CIB3: variants seen among roughly 807,000 people sequenced by gnomAD.
CIB3 encodes calcium and integrin binding family member 3, also known as calcium and integrin-binding family member 3.
Under a neutral mutation model 23.4 loss-of-function variants are expected in CIB3, and 22 were observed. That is an observed-to-expected ratio of 0.94 (90% CI 0.67 to 1.34). The LOEUF is 1.34. Ranked by LOEUF, CIB3 falls within the 40% of genes most tolerant of loss-of-function variation. CIB3 has a pLI of 0.00. For synonymous variants in CIB3, 93 were observed against 95.8 expected (o/e 0.97, Z 0.17); for missense variants, 258 against 247.3 (o/e 1.04, Z -0.29).
chr19:16,164,645 A>T (rs1049215825), intron 5 of CIB3, 73 bp downstream of exon 5: 1 of 1,340,880 alleles, frequency 7.5e-7, no homozygotes, highest in Admixed American at 2.0e-5. Context: ...TCAGAAACAG[A>T]GTCTGTGAAC....
chr19:16,173,320 A>C, intron 1 of CIB3, 105 bp downstream of exon 1: 1 of 1,562,020 alleles, frequency 6.4e-7, no homozygotes, highest in Non-Finnish European at 8.8e-7. Flanking sequence ...AGAACCAGGA[A>C]CCCAGGCGGA....
chr19:16,173,405 C>A lies in CIB3; in HGVS notation c.51+20G>T. ...CCAAAGTTGTCAAACCCACTGAGGA[C>A]CCATCCTGCCCCCCTCTACCTGATA... On this transcript the variant is annotated intron_variant, in intron 1 of 5. Coordinates refer to ENST00000269878, the MANE Select transcript of CIB3 (RefSeq NM_054113.4). 1 of 1,610,782 alleles carries A rather than the reference C, an allele frequency of 6.2e-7. No individual in the cohort carries two copies. The highest frequency in any genetic ancestry group is 8.5e-7 in the Non-Finnish European group (1 of 1,176,968).
At chr19:16,170,905 G>A (rs979719987) in intron 2 of CIB3, among the ~76,000 whole-genome samples, 3 of 151,892 alleles carry the variant, frequency 2.0e-5, no homozygotes, top group Admixed American at 1.3e-4. Flanking sequence ...TTGAGAGGCC[G>A]AGGCAGGTGG....
intron 2 of CIB3, 147 bp from the exon 3 acceptor site, chr19:16,169,888 C>T: frequency 6.6e-6 from 4 of 602,786 alleles, no homozygotes; most frequent in Non-Finnish European, 1.1e-5. Flanking sequence ...TAACCTCTGC[C>T]TCCCGGGTTC....
At chr19:16,168,114 C>A in intron 4 of CIB3, 23 bp downstream of exon 4, 1 of 1,592,910 alleles carries the variant, frequency 6.3e-7, no homozygotes. Context: ...CCATGCTTCC[C>A]AACCCCAGGG....
At chr19:16,172,298 G>A (rs1000117430) in intron 2 of CIB3, among the ~76,000 whole-genome samples, 8 of 152,154 alleles carry the variant, frequency 5.3e-5, no homozygotes, top group African/African-American at 1.9e-4. Flanking sequence ...GGGATTACAG[G>A]CACCCACCAC....
At chr19:16,167,078 G>T (rs567691585) in intron 4 of CIB3, among the ~76,000 whole-genome samples, 2 of 152,124 alleles carry the variant, frequency 1.3e-5, no homozygotes, top group African/African-American at 4.8e-5. Flanking sequence ...TTAGTCAGGC[G>T]TTGTGGCAGG....
rs553317796 is a variant in CIB3 at position 16,169,291 on chromosome 19, GCACTACCACGCC to G, written c.198+327_198+338del. Among the ~76,000 whole-genome samples, 381 of 152,006 alleles carry G rather than the reference GCACTACCACGCC, an allele frequency of 2.5e-3. 2 individuals are homozygous for G. Among genetic ancestry groups the G allele is most frequent in the Middle Eastern group, 6.8e-3 (2 of 294 alleles). On this transcript the variant is annotated intron_variant, in intron 3 of 5. Transcript: ENST00000269878. ...CCCTAGTAGCTGGGATTACAGGTGTGCACTACCACGCCCAGCTAATTTTTGTATTTTTAGTAG... is the reference window on the plus strand; with the variant it reads ...CCCTAGTAGCTGGGATTACAGGTGTGCAGCTAATTTTTGTATTTTTAGTAG...
At chr19:16,169,164 G>C (rs1399742299) in intron 3 of CIB3, among the ~76,000 whole-genome samples, 3 of 151,972 alleles carry the variant, frequency 2.0e-5, no homozygotes, top group Non-Finnish European at 4.4e-5. Flanking sequence ...TGTTTTTTGA[G>C]ACAGAGTCTC....
At chr19:16,167,245 A>C (rs1011939814) in intron 4 of CIB3, among the ~76,000 whole-genome samples, 30 of 152,192 alleles carry the variant, frequency 2.0e-4, no homozygotes, top group Non-Finnish European at 5.9e-5. Flanking sequence ...CACACACAAA[A>C]AAAACAAGTA....
At chr19:16,162,886 C>CTTTTTTTTTTTTTTTTT (rs373689760) in intron 5 of CIB3, among the ~76,000 whole-genome samples, 54 of 102,442 alleles carry the variant, frequency 5.3e-4, no homozygotes, top group African/African-American at 9.8e-4. Flanking sequence ...CTTTTCTTTT[C>CTTTTTTTTTTTTTTTTT]TTTTTTTTTT....
intron 4 of CIB3, among the ~76,000 whole-genome samples, chr19:16,167,276 T>G (rs2091309877): frequency 6.6e-6 from 1 of 151,864 alleles, no homozygotes; most frequent in Non-Finnish European, 1.5e-5. Context: ...GCACACAAGG[T>G]GCCAGGCACT....
chr19:16,164,846 C>A lies in CIB3; in HGVS notation c.414G>T (p.Gly138=), dbSNP rs563729755. Reference sequence around the variant, plus strand: ...GGCTCACCTCCTCGGCACTCAGCCCCCCCCGCGTCAGTTTGGTCACCGTCT... The same window carrying A: ...GGCTCACCTCCTCGGCACTCAGCCCACCCCGCGTCAGTTTGGTCACCGTCT... ...LEQTVTKLTR[G]GLSAEEVSLV... The change falls in exon 5 of 6, where the codon GGG becomes GGT. Residue 138 remains glycine, a synonymous_variant. Coordinates refer to ENST00000269878, the MANE Select transcript of CIB3 (RefSeq NM_054113.4). 1.3e-5 allele frequency: 21 copies of A among 1,614,076 alleles called. No individual in the cohort carries two copies. The South Asian group carries it at 2.1e-4, about 16-fold the overall frequency.
chr19:16,162,197 A>T (rs1347485514), intron 5 of CIB3, among the ~76,000 whole-genome samples: 1 of 143,978 alleles, frequency 6.9e-6, no homozygotes, highest in East Asian at 2.2e-4. Context: ...AGTTGAGGCC[A>T]GGAGTTTGAG....
chr19:16,163,880 T>C (rs2091294982), intron 5 of CIB3, among the ~76,000 whole-genome samples: 1 of 152,174 alleles, frequency 6.6e-6, no homozygotes, highest in Admixed American at 6.6e-5. Flanking sequence ...TGTGAGCCAA[T>C]ACAACTTTAC....
At chr19:16,162,861 TTTTA>T (rs1344534512) in intron 5 of CIB3, among the ~76,000 whole-genome samples, 1 of 150,430 alleles carries the variant, frequency 6.6e-6, no homozygotes, top group African/African-American at 2.4e-5. Flanking sequence ...TTTATTCTTA[TTTTA>T]TTTCTTTTTT....
chr19:16,169,297 C>T (rs757400874), intron 3 of CIB3, among the ~76,000 whole-genome samples: 14 of 151,344 alleles, frequency 9.3e-5, no homozygotes, highest in Non-Finnish European at 1.8e-4. Context: ...GTGTGCACTA[C>T]CACGCCCAGC....
At chr19:16,162,490 G>A (rs1414986327) in intron 5 of CIB3, among the ~76,000 whole-genome samples, 1 of 151,672 alleles carries the variant, frequency 6.6e-6, no homozygotes, top group Non-Finnish European at 1.5e-5. Context: ...GACGGCTCAC[G>A]CCTGTAATCC....
rs962361669 is a variant in CIB3 at position 16,173,192 on chromosome 19, C to T, written c.56G>A (p.Cys19Tyr). Residue 19 changes from cysteine to tyrosine, a missense_variant, in exon 2 of 6, where the codon TGC (cysteine) becomes TAC (tyrosine). Cys to Tyr is a radical substitution (Grantham distance 194, BLOSUM62 -2). Coordinates refer to ENST00000269878, the MANE Select transcript of CIB3 (RefSeq NM_054113.4). ...GATCTCCTTCCTTGTGAAAAATGTG[C>T]AGTCCTGTGGAGAGAGGTGTTGTCT... Reference protein sequence around the residue: ...THEQLEAYQDCTFFTRKEIMR... With the variant: ...THEQLEAYQDYTFFTRKEIMR... 6.2e-7 allele frequency: 1 copy of T among 1,613,988 alleles called. No homozygotes were observed. The highest frequency in any genetic ancestry group is 8.5e-7 in the Non-Finnish European group (1 of 1,179,988).
Sources: gnomAD v4.1 joint callset for allele counts (sites outside exome capture counted in the v4.1 genomes callset) on GRCh38, gnomAD v4.1.1 for gene constraint, MANE v1.5 for transcripts, NCBI Gene and HGNC (gene_info 2026-07-23, HGNC 2026-07-21) for gene names.